Variants in MRPL10 observed in about 807,000 individuals in gnomAD.
MRPL10 encodes the protein mitochondrial ribosomal protein L10.
A neutral mutation model predicts 19.8 loss-of-function variants in MRPL10; 14 were observed. The ratio of observed to expected loss-of-function variants is 0.71; its 90% confidence interval spans 0.47 to 1.11. The LOEUF is 1.11. Ranked by LOEUF, MRPL10 falls within the 50% of genes least tolerant of loss-of-function variation. The pLI, the probability that MRPL10 is intolerant of heterozygous loss-of-function variation, is 0.00. For missense variants in MRPL10, 318 were observed against 339.6 expected (o/e 0.94, Z 0.50); for synonymous variants, 129 against 139.2 (o/e 0.93, Z 0.52).
chr17:47,826,593 G>A lies in MRPL10; in HGVS notation c.532+44C>T, dbSNP rs755310598. On this transcript the variant is annotated intron_variant, in intron 4 of 4. Coordinates refer to ENST00000351111, the MANE Select transcript of MRPL10 (RefSeq NM_145255.4). Reference sequence around the variant, plus strand: ...AGACAAGCCTAGCAGATGGCAGCAGGCCCCTCTTCACCCCACCCCTAACTG... The same window carrying A: ...AGACAAGCCTAGCAGATGGCAGCAGACCCCTCTTCACCCCACCCCTAACTG... 1.1e-5 allele frequency: 18 copies of A among 1,607,584 alleles called. No homozygotes were observed. In the Admixed American group the frequency reaches 3.0e-4, roughly 27 times the overall value.
At position 47,828,664 on chromosome 17, in the gene MRPL10, A is replaced by G. The variant is rs756403665; in HGVS notation, c.59T>C (p.Leu20Pro). 1.3e-6 allele frequency: 2 copies of G among 1,514,730 alleles called. No homozygotes were observed. Among genetic ancestry groups the G allele is most frequent in the African/African-American group, 1.5e-5 (1 of 68,398 alleles). 93.8% of individuals were successfully genotyped at this position (1,514,730 alleles called of 1,614,324 possible). A position where few individuals can be genotyped will look rare whatever the true frequency, so the allele number is the denominator to read the frequency against. The change falls in exon 2 of 5, where the codon CTG becomes CCG. Residue 20 changes from leucine to proline, a missense_variant. Physicochemically the swap from Leu to Pro is moderately conservative, Grantham distance 98. Transcript: ENST00000351111. The stretch of plus-strand genomic sequence containing the variant: ...ATAGCGGACAGTCTGGAGGGTAGGC[A>G]GCCGGCCTGGGAGGGCATATAGCAA... ...RGGLLPQAGRLPTLQTVRYGS... is the reference protein window; with the variant it reads ...RGGLLPQAGRPPTLQTVRYGS...
At chr17:47,830,965 C>A (rs890003924) in intron 1 of MRPL10, among the ~76,000 whole-genome samples, 1 of 152,182 alleles carries the variant, frequency 6.6e-6, no homozygotes, top group Non-Finnish European at 1.5e-5. Flanking sequence ...AATGAGCTAA[C>A]ACATATAAAA....
intron 2 of MRPL10, chr17:47,828,300 G>C: frequency 2.4e-6 from 1 of 410,526 alleles, no homozygotes; most frequent in East Asian, 3.7e-5. Flanking sequence ...GGAAATTCAG[G>C]AGGCCCACCC....
At chr17:47,831,317 A>T (rs2033626383) in intron 1 of MRPL10, 143 bp downstream of exon 1, 1 of 1,532,834 alleles carries the variant, frequency 6.5e-7, no homozygotes, top group Non-Finnish European at 8.7e-7. Flanking sequence ...TTACCAGTCG[A>T]GTCACAAGGA....
At chr17:47,826,107 A>G in intron 4 of MRPL10, among the ~76,000 whole-genome samples, 1 of 137,982 alleles carries the variant, frequency 7.2e-6, no homozygotes, top group East Asian at 2.1e-4. Flanking sequence ...AGACTGTGCC[A>G]CCGCACTCCA....
chr17:47,823,337 A>G lies in MRPL10; in HGVS notation c.*868T>C, dbSNP rs1567948345. ...TGCGCGGGATGCCATTTGTGGGAACAGGTATAGGGGAAGAGGATTTTCCTA... is the reference window on the plus strand; with the variant it reads ...TGCGCGGGATGCCATTTGTGGGAACGGGTATAGGGGAAGAGGATTTTCCTA... On this transcript the variant is annotated 3_prime_UTR_variant, in exon 5 of 5. Coordinates refer to ENST00000351111, the MANE Select transcript of MRPL10 (RefSeq NM_145255.4). The G allele has an allele frequency of 2.0e-5, 3 of 152,204 alleles. No homozygotes were observed. Among genetic ancestry groups the G allele is most frequent in the Non-Finnish European group, 2.9e-5 (2 of 68,026 alleles). 9.4% of individuals were successfully genotyped at this position (152,204 alleles called of 1,614,324 possible). A position where few individuals can be genotyped will look rare whatever the true frequency, so the allele number is the denominator to read the frequency against.
At position 47,831,458 on chromosome 17, in the gene MRPL10, A is replaced by G; in HGVS notation, c.52+2T>C. The G allele has an allele frequency of 6.5e-7, 1 of 1,547,484 alleles. No homozygotes were observed. The highest frequency in any genetic ancestry group is 8.7e-7 in the Non-Finnish European group (1 of 1,146,686). ...GCCGTGAGGACCTGGGCCACTCCTTACCCGCCTGGGGCAGGAGACCCCCTC... is the reference window on the plus strand; with the variant it reads ...GCCGTGAGGACCTGGGCCACTCCTTGCCCGCCTGGGGCAGGAGACCCCCTC... On this transcript the variant is annotated splice_donor_variant, in intron 1 of 4. Coordinates refer to ENST00000351111, the MANE Select transcript of MRPL10 (RefSeq NM_145255.4). LOFTEE classifies it high-confidence loss of function.
intron 4 of MRPL10, among the ~76,000 whole-genome samples, chr17:47,826,300 G>A (rs773436329): frequency 3.3e-5 from 5 of 151,880 alleles, no homozygotes; most frequent in Non-Finnish European, 7.4e-5. Flanking sequence ...ACTGGCCCTC[G>A]GCACCCTTTA....
rs1198387023 is a variant in MRPL10 at position 47,824,327 on chromosome 17, G to T, written c.664C>A (p.Leu222Ile). The change falls in exon 5 of 5, where the codon CTC becomes ATC. Residue 222 changes from leucine to isoleucine, a missense_variant. By Grantham distance (5) the Leu-to-Ile change is conservative. Coordinates refer to ENST00000351111, the MANE Select transcript of MRPL10 (RefSeq NM_145255.4). ...GTCAGCTGGAGGGGCTGGTGCTGGAGCAGGGAGTGGGTCTGGGCTGTGAGG... is the reference window on the plus strand; with the variant it reads ...GTCAGCTGGAGGGGCTGGTGCTGGATCAGGGAGTGGGTCTGGGCTGTGAGG... ...TCLTAQTHSL[L>I]QHQPLQLTTL... The T allele has an allele frequency of 6.2e-6, 10 of 1,614,126 alleles. No homozygotes were observed. The highest frequency in any genetic ancestry group is 1.1e-5 in the South Asian group (1 of 91,078).
chr17:47,824,301 G>A lies in MRPL10; in HGVS notation c.690C>T (p.Thr230=). ...CTCTGATGTACTGGTCCAACAGGGT[G>A]GTCAGCTGGAGGGGCTGGTGCTGGA... ...SLLQHQPLQL[T]TLLDQYIREQ... The change falls in exon 5 of 5, where the codon ACC becomes ACT. Residue 230 remains threonine (T), a synonymous_variant. Coordinates refer to ENST00000351111, the MANE Select transcript of MRPL10 (RefSeq NM_145255.4). 3 of 1,614,138 alleles carry A rather than the reference G, an allele frequency of 1.9e-6. No individual in the cohort carries two copies. Among genetic ancestry groups the A allele is most frequent in the Non-Finnish European group, 2.5e-6 (3 of 1,180,002 alleles).
At chr17:47,826,554 T>A (rs1302643594) in intron 4 of MRPL10, 83 bp downstream of exon 4, 1 of 1,550,796 alleles carries the variant, frequency 6.4e-7, no homozygotes, top group Non-Finnish European at 8.8e-7. Flanking sequence ...CCAAGAACGT[T>A]CACGGTTTTA....
At position 47,831,535 on chromosome 17, in the gene MRPL10, G is replaced by A. The variant is rs752660986; in HGVS notation, c.-24C>T. 2 of 1,547,140 alleles carry A rather than the reference G, an allele frequency of 1.3e-6. No homozygotes were observed. Among genetic ancestry groups the A allele is most frequent in the Non-Finnish European group, 8.7e-7 (1 of 1,144,738 alleles). ...ATCTCCACCGGAAGAATGGACGGAA[G>A]CCGAGTGGAGACGGAAAGAGCTAAG... On this transcript the variant is annotated 5_prime_UTR_variant, in exon 1 of 5. Coordinates refer to ENST00000351111, the MANE Select transcript of MRPL10 (RefSeq NM_145255.4).
In MRPL10 at chr17:47,823,757, T is replaced by C. The variant is rs3209; in HGVS notation, c.*448A>G. The C allele has an allele frequency of 0.28, 59,694 of 211,732 alleles. 10,184 individuals are homozygous for C. Among genetic ancestry groups the C allele is most frequent in the Non-Finnish European group, 0.37 (38,370 of 103,500 alleles). The allele number at this position is 211,732 out of a possible 1,614,324, so 13.1% of individuals were successfully genotyped here. ...GGTCAGCAGTAAAGGAACTAATACA[T>C]GTACAGCACTCAGCACAAAGCCTGG... On this transcript the variant is annotated 3_prime_UTR_variant, in exon 5 of 5. Transcript: ENST00000351111.
At chr17:47,825,056 C>T (rs566983069) in intron 4 of MRPL10, among the ~76,000 whole-genome samples, 17 of 130,440 alleles carry the variant, frequency 1.3e-4, no homozygotes, top group African/African-American at 3.2e-4. Context: ...AGGTTGGGTA[C>T]GGTGGCTCAA....
At chr17:47,831,351 C>A (rs981987879) in intron 1 of MRPL10, 109 bp downstream of exon 1, 7 of 1,538,920 alleles carry the variant, frequency 4.5e-6, no homozygotes, top group Non-Finnish European at 6.1e-6. Flanking sequence ...AGGAGGCCAG[C>A]GATCTAGCTG....
At chr17:47,826,491 C>A in intron 4 of MRPL10, 146 bp downstream of exon 4, 1 of 965,620 alleles carries the variant, frequency 1.0e-6, no homozygotes, top group Non-Finnish European at 1.5e-6. Context: ...TGACAGTCGG[C>A]CCTCAATAAA....
chr17:47,828,356 C>G lies in MRPL10; in HGVS notation c.222+145G>C, dbSNP rs2143593337. On this transcript the variant is annotated intron_variant, in intron 2 of 4. Transcript: ENST00000351111. ...ATACAGAATCAAGTGCGGATTTCAT[C>G]TTAAAATATCTGGATCAGGCAGTCA... The G allele has an allele frequency of 3.5e-6, 2 of 577,484 alleles. 1 individual carries two copies. The highest frequency in any genetic ancestry group is 9.4e-4 in the Middle Eastern group (2 of 2,120). 35.8% of individuals were successfully genotyped at this position (577,484 alleles called of 1,614,324 possible).
At position 47,826,685 on chromosome 17, in the gene MRPL10, T is replaced by C. The variant is rs1454798875; in HGVS notation, c.484A>G (p.Lys162Glu). 6.2e-7 allele frequency: 1 copy of C among 1,614,188 alleles called. No individual in the cohort carries two copies. Among genetic ancestry groups the C allele is most frequent in the South Asian group, 1.1e-5 (1 of 91,084 alleles). Residue 162 changes from lysine to glutamate, a missense_variant, in exon 4 of 5, where the codon AAG (lysine) becomes GAG (glutamate). Physicochemically the swap from Lys to Glu is moderately conservative, Grantham distance 56. Coordinates refer to ENST00000351111, the MANE Select transcript of MRPL10 (RefSeq NM_145255.4). ...MLLVSEEPKV[K>E]EMVRILRTVP... is the part of the protein sequence containing the mutation. ...GTCCTTAAGATCCGTACCATCTCCT[T>C]GACCTTGGGCTCTTCACTGACCAGC...
At chr17:47,825,994 A>G (rs2033526096) in intron 4 of MRPL10, among the ~76,000 whole-genome samples, 1 of 151,786 alleles carries the variant, frequency 6.6e-6, no homozygotes, top group African/African-American at 2.4e-5. Context: ...CGAAAAAAAA[A>G]AAATTAGCTG....
Sources: allele counts gnomAD v4.1 joint callset (sites outside exome capture counted in the v4.1 genomes callset), GRCh38; gene constraint gnomAD v4.1.1; transcripts MANE v1.5; gene names NCBI Gene and HGNC (gene_info 2026-07-23, HGNC 2026-07-21).